Variants in RCBTB2 observed in about 807,000 individuals in gnomAD.
The protein encoded by RCBTB2 is RCC1 and BTB domain containing protein 2, also known as RCC1 and BTB domain-containing protein 2.
A neutral mutation model predicts 65.4 loss-of-function variants in RCBTB2; 55 were observed. The ratio of observed to expected loss-of-function variants is 0.84; its 90% CI spans 0.68 to 1.05. RCBTB2 has a LOEUF of 1.05. Among genes scored for constraint, RCBTB2 ranks in the 50% least tolerant of loss-of-function variants. RCBTB2 has a pLI of 0.00. For synonymous variants in RCBTB2, 220 were observed against 255.2 expected (o/e 0.86, Z 1.31); for missense variants, 599 against 680.1 (o/e 0.88, Z 1.33).
At chr13:48,499,111 A>ACACACAC (rs1950107608) in intron 13 of RCBTB2, among the ~76,000 whole-genome samples, 1 of 105,858 alleles carries the variant, frequency 9.4e-6, no homozygotes, top group African/African-American at 4.3e-5. Flanking sequence ...CCCCCACCCC[A>ACACACAC]ACACACACAC....
chr13:48,512,316 G>A, intron 7 of RCBTB2, 142 bp from the exon 8 acceptor site: 2 of 686,178 alleles, frequency 2.9e-6, no homozygotes, highest in Non-Finnish European at 4.9e-6. Flanking sequence ...GCAGAGAAGT[G>A]TTTATAAAAT....
Position 48,510,737 on chromosome 13 carries a change from G to C in RCBTB2, c.818C>G (p.Thr273Arg), listed in dbSNP as rs572019641. The change falls in exon 10 of 15, where the codon ACA becomes AGA. Residue 273 changes from threonine (T) to arginine (R), a missense_variant. Physicochemically the swap from Thr to Arg is moderately conservative, Grantham distance 71. Coordinates refer to ENST00000344532, the MANE Select transcript of RCBTB2 (RefSeq NM_001268.4). ...CCAAGCATACACTTGGCCTTCATCT[G>C]TTAATACTAATGTGTGTGCGTAGCC... ...ACGYAHTLVL[T>R]DEGQVYAWGA... 1 of 1,613,972 alleles carries C rather than the reference G, an allele frequency of 6.2e-7. No individual in the cohort carries two copies. The highest frequency in any genetic ancestry group is 8.5e-7 in the Non-Finnish European group (1 of 1,179,972).
chr13:48,525,490 T>C (rs1262347275), intron 1 of RCBTB2, among the ~76,000 whole-genome samples: 1 of 149,766 alleles, frequency 6.7e-6, no homozygotes, highest in East Asian at 2.0e-4. Context: ...AGATGCTTGA[T>C]ATCTTTTCCA....
At chr13:48,509,446 G>C (rs1357421074) in intron 10 of RCBTB2, among the ~76,000 whole-genome samples, 1 of 152,120 alleles carries the variant, frequency 6.6e-6, no homozygotes, top group Non-Finnish European at 1.5e-5. Context: ...TACCAACTGA[G>C]GCACTTTTGT....
At chr13:48,534,614 A>G (rs1952332782), upstream of RCBTB2, among the ~76,000 whole-genome samples, 1 of 152,218 alleles carries the variant, frequency 6.6e-6, no homozygotes, top group Non-Finnish European at 1.5e-5. Context: ...AAACTGTGAT[A>G]TTATCTCAGA....
Position 48,510,786 on chromosome 13 carries a change from A to T in RCBTB2, c.784-15T>A, listed in dbSNP as rs1950745687. On this transcript the variant is annotated splice_polypyrimidine_tract_variant and intron_variant, in intron 9 of 14. Transcript: ENST00000344532. ...CCACAGGCGACCTGGAAGGAAAAAAATCCACTCAGGACTGCAAATATAAGT... is the reference window on the plus strand; with the variant it reads ...CCACAGGCGACCTGGAAGGAAAAAATTCCACTCAGGACTGCAAATATAAGT... 1 of 1,610,342 alleles carries T rather than the reference A, an allele frequency of 6.2e-7. No homozygotes were observed. Among genetic ancestry groups the T allele is most frequent in the Non-Finnish European group, 8.5e-7 (1 of 1,176,726 alleles).
intron 10 of RCBTB2, chr13:48,504,441 G>A (rs1950390151): frequency 1.8e-6 from 1 of 553,664 alleles, no homozygotes; most frequent in Non-Finnish European, 2.3e-6. Context: ...TTCATACATG[G>A]TTGTTCAGGA....
At chr13:48,493,705 T>A (rs1281095588) in intron 14 of RCBTB2, among the ~76,000 whole-genome samples, 1 of 151,954 alleles carries the variant, frequency 6.6e-6, no homozygotes, top group Non-Finnish European at 1.5e-5. Context: ...TCCCTGACCA[T>A]TCTATTTAAA....
rs1949622860 is a variant in RCBTB2, at chr13:48,489,834, T to G, written c.*277A>C. 1 of 430,002 alleles carries G rather than the reference T, an allele frequency of 2.3e-6. No individual in the cohort carries two copies. The highest frequency in any genetic ancestry group is 2.0e-5 in the African/African-American group (1 of 49,834). 26.6% of individuals were successfully genotyped at this position (430,002 alleles called of 1,614,324 possible). A position where few individuals can be genotyped will look rare whatever the true frequency, so the allele number is the denominator to read the frequency against. On this transcript the variant is annotated 3_prime_UTR_variant, in exon 15 of 15. Coordinates refer to ENST00000344532, the MANE Select transcript of RCBTB2 (RefSeq NM_001268.4). ...TATACTGAGACCAGGGTACCAAAGG[T>G]GTCCAATTTAAGTGACTCAAAAAGA... is the stretch of plus-strand genomic sequence containing the variant.
rs71186310 is a variant in RCBTB2 at position 48,527,369 on chromosome 13, G to GATATATATATATC, written c.-218-2613_-218-2612insGATATATATATAT. ...ATATATATGATATATATTTATATAT[G>GATATATATATATC]ATATATATATATGATATATATTTAT... On this transcript the variant is annotated intron_variant, in intron 1 of 14. Coordinates refer to ENST00000344532, the MANE Select transcript of RCBTB2 (RefSeq NM_001268.4). Among the ~76,000 whole-genome samples the GATATATATATATC allele has an allele frequency of 1.6e-3, 155 of 99,854 alleles. 3 individuals are homozygous for GATATATATATATC. The highest frequency in any genetic ancestry group is 7.1e-3 in the African/African-American group (143 of 20,034). The allele number at this position is 99,854 out of a possible 152,430, so 65.5% of individuals were successfully genotyped here. A position where few individuals can be genotyped will look rare whatever the true frequency, so the allele number is the denominator to read the frequency against.
At chr13:48,522,005 G>C (rs1021702292) in intron 3 of RCBTB2, 43 bp from the exon 4 acceptor site, 1 of 1,534,190 alleles carries the variant, frequency 6.5e-7, no homozygotes, top group Non-Finnish European at 9.0e-7. Context: ...CCTTATGTTC[G>C]ATGGAACCAG....
At chr13:48,511,382 C>T (rs1024623928) in intron 9 of RCBTB2, among the ~76,000 whole-genome samples, 2 of 151,888 alleles carry the variant, frequency 1.3e-5, no homozygotes, top group Non-Finnish European at 2.9e-5. Flanking sequence ...TTCTGTTACA[C>T]CTATTTTTTT....
chr13:48,526,807 T>G (rs545497558), intron 1 of RCBTB2, among the ~76,000 whole-genome samples: 2 of 151,828 alleles, frequency 1.3e-5, no homozygotes, highest in Non-Finnish European at 2.9e-5. Flanking sequence ...TCCCAGCTAC[T>G]TGGGAGGCTG....
At chr13:48,532,873 G>A (rs1368098886) in intron 1 of RCBTB2, 155 bp downstream of exon 1, 3 of 396,376 alleles carry the variant, frequency 7.6e-6, no homozygotes, top group African/African-American at 2.1e-5. Context: ...TGGCACGGTC[G>A]CGGCTCTAGT....
Position 48,499,716 on chromosome 13 carries a change from A to G in RCBTB2, c.1289T>C (p.Ile430Thr). The G allele has an allele frequency of 1.9e-6, 3 of 1,614,206 alleles. No individual in the cohort carries two copies. The highest frequency in any genetic ancestry group is 2.5e-6 in the Non-Finnish European group (3 of 1,180,038). ...ATATGAAAATTCACTCATTTCTACA[A>G]TATCATCCTCGTTATCTTCCAATGA... Reference protein sequence around the residue: ...RSSLEDNEDDIVEMSEFSYPV... With the variant: ...RSSLEDNEDDTVEMSEFSYPV... The change falls in exon 13 of 15, where the codon ATT (isoleucine) becomes ACT (threonine). Residue 430 changes from isoleucine to threonine, a missense_variant. Ile to Thr is a moderately conservative substitution (Grantham distance 89). Transcript: ENST00000344532.
Position 48,501,861 on chromosome 13 carries a change from A to C in RCBTB2, c.1125T>G (p.Asp375Glu). Reference sequence around the variant, plus strand: ...GTGACTCAGCCACTGTGAGGTGGTCATCAGGTTCTAGGAGAATAATGCAAA... The same window carrying C: ...GTGACTCAGCCACTGTGAGGTGGTCCTCAGGTTCTAGGAGAATAATGCAAA... ...VTWRLLSVEP[D>E]DHLTVAESLK... The change falls in exon 12 of 15, where the codon GAT becomes GAG. Residue 375 changes from aspartate (D) to glutamate (E), a missense_variant. By Grantham distance (45) the Asp-to-Glu change is conservative. Transcript: ENST00000344532. 1 of 1,613,858 alleles carries C rather than the reference A, an allele frequency of 6.2e-7. No homozygotes were observed. Among genetic ancestry groups the C allele is most frequent in the Non-Finnish European group, 8.5e-7 (1 of 1,179,904 alleles).
Position 48,503,227 on chromosome 13 carries a change from C to T in RCBTB2, c.927-313G>A, listed in dbSNP as rs890554393. Among the ~76,000 whole-genome samples, 3 of 152,118 alleles carry T rather than the reference C, an allele frequency of 2.0e-5. No homozygotes were observed. The South Asian group carries it at 6.2e-4, about 31-fold the overall frequency. ...ATCCTGTTTTGAAATTCAAGTATAA[C>T]CCAAGAGAGTAGTGGTCCCCCCTAC... On this transcript the variant is annotated intron_variant, in intron 10 of 14. Coordinates refer to ENST00000344532, the MANE Select transcript of RCBTB2 (RefSeq NM_001268.4).
intron 10 of RCBTB2, among the ~76,000 whole-genome samples, chr13:48,505,942 G>A (rs1055362198): frequency 1.3e-5 from 2 of 152,214 alleles, no homozygotes; most frequent in African/African-American, 2.4e-5. Context: ...AGGAACTCAT[G>A]ATTTAGCTGG....
At chr13:48,517,725 A>G (rs1243106241) in intron 4 of RCBTB2, among the ~76,000 whole-genome samples, 1 of 152,216 alleles carries the variant, frequency 6.6e-6, no homozygotes, top group African/African-American at 2.4e-5. Flanking sequence ...TGCTGTAGCT[A>G]AAAAGAGCTC....
Sources: gnomAD v4.1 joint callset for allele counts (sites outside exome capture counted in the v4.1 genomes callset) on GRCh38, gnomAD v4.1.1 for gene constraint, MANE v1.5 for transcripts, NCBI Gene and HGNC (gene_info 2026-07-23, HGNC 2026-07-21) for gene names.